The following UNC80 variants were observed in gnomAD, a reference collection of about 807,000 sequenced individuals.
UNC80 encodes unc-80 subunit of NALCN channel complex, also known as protein unc-80 homolog.
In UNC80, 164 loss-of-function variants were observed where a neutral mutation model predicts 384.6. That is an observed-to-expected ratio of 0.43 (90% CI 0.38 to 0.49). The LOEUF (loss-of-function observed/expected upper bound fraction) is 0.49, where lower values mean the gene tolerates loss of function less well. Among genes scored for constraint, UNC80 ranks in the 20% least tolerant of loss-of-function variants. The pLI is 0.00. For synonymous variants in UNC80, 1,486 were observed against 1,527.8 expected, an observed-to-expected ratio of 0.97 and a Z score of 0.64; for missense variants, 3,330 against 4,143.0, an observed-to-expected ratio of 0.80 and a Z score of 5.39.
At chr2:209,805,623 T>A (rs748487752) in intron 7 of UNC80, among the ~76,000 whole-genome samples, 3 of 152,226 alleles carry the variant, frequency 2.0e-5, no homozygotes, top group Non-Finnish European at 2.9e-5. Flanking sequence ...TCCATAGGGC[T>A]GCTCATAACA....
chr2:209,858,158 A>G (rs1395183846), intron 22 of UNC80, among the ~76,000 whole-genome samples: 3 of 152,204 alleles, frequency 2.0e-5, no homozygotes, highest in Non-Finnish European at 4.4e-5. Flanking sequence ...TACAGTGATG[A>G]CATTTTTTGT....
Position 209,888,140 on chromosome 2 carries a change from C to T in UNC80, c.4156C>T (p.His1386Tyr). ...TCGTTTGGATCCCGAGTTGGACCGG[C>T]ACAGATATGAGAGGAAGATCAGCTT... The part of the protein sequence containing the change: ...RLRLDPELDR[H>Y]RYERKISFAG... Residue 1386 changes from histidine (H) to tyrosine (Y), a missense_variant, in exon 26 of 65, where the codon CAC (histidine) becomes TAC (tyrosine). By Grantham distance (83) the His-to-Tyr change is moderately conservative. Coordinates refer to ENST00000673920, the MANE Select transcript of UNC80 (RefSeq NM_001371986.1). 1 of 1,551,628 alleles carries T rather than the reference C, an allele frequency of 6.4e-7. No homozygotes were observed. Among genetic ancestry groups the T allele is most frequent in the South Asian group, 1.2e-5 (1 of 84,060 alleles).
chr2:209,784,716 CAG>C (rs965815589), intron 4 of UNC80, among the ~76,000 whole-genome samples: 6 of 152,222 alleles, frequency 3.9e-5, no homozygotes, highest in Admixed American at 1.3e-4. Flanking sequence ...GCACTACGAA[CAG>C]AGATTTTTGT....
chr2:209,959,877 A>G (rs143403052), intron 51 of UNC80, among the ~76,000 whole-genome samples, 170 bp downstream of exon 51: 1 of 152,360 alleles, frequency 6.6e-6, no homozygotes, highest in East Asian at 1.9e-4. Context: ...TAAAGTGTGC[A>G]TTAAGTCCAT....
chr2:209,870,736 T>A (rs2084224390), intron 22 of UNC80, among the ~76,000 whole-genome samples: 1 of 152,306 alleles, frequency 6.6e-6, no homozygotes, highest in South Asian at 2.1e-4. Flanking sequence ...GAAGAAAGGC[T>A]TAAGGAACTA....
At chr2:209,981,027 A>G (rs1273282536) in intron 59 of UNC80, among the ~76,000 whole-genome samples, 2 of 152,372 alleles carry the variant, frequency 1.3e-5, no homozygotes, top group South Asian at 2.1e-4. Flanking sequence ...GTGATTATAT[A>G]GCAAATTAAA....
rs576098626 is a variant in UNC80, at chr2:209,808,301, G to A, written c.939-5279G>A. ...TTCAAGGCTGGGCGTGGTGGTTCACGCCTGTAATCCTAGCACTTTGGGAAG... is the reference window on the plus strand; with the variant it reads ...TTCAAGGCTGGGCGTGGTGGTTCACACCTGTAATCCTAGCACTTTGGGAAG... On this transcript the variant is annotated intron_variant, in intron 7 of 64. Coordinates refer to ENST00000673920, the MANE Select transcript of UNC80 (RefSeq NM_001371986.1). Among the ~76,000 whole-genome samples, 28 of 152,150 alleles carry A rather than the reference G, an allele frequency of 1.8e-4. No homozygotes were observed. In the South Asian group the frequency reaches 3.1e-3, roughly 17 times the overall value.
chr2:209,834,029 G>C lies in UNC80; in HGVS notation c.2803G>C (p.Val935Leu). 2 of 1,551,628 alleles carry C rather than the reference G, an allele frequency of 1.3e-6. No individual in the cohort carries two copies. The highest frequency in any genetic ancestry group is 1.4e-5 in the African/African-American group (1 of 73,124). Residue 935 changes from valine (V) to leucine (L), a missense_variant, in exon 17 of 65, where the codon GTC (valine) becomes CTC (leucine). Coordinates refer to ENST00000673920, the MANE Select transcript of UNC80 (RefSeq NM_001371986.1). The stretch of plus-strand genomic sequence containing the variant: ...ACTGTATTGTGACATTCGTCAGCTG[G>C]TCCAGTTTATCAAAGAGGCTCATGG... ...LGLYCDIRQLVQFIKEAHGNV... is the reference protein window; with the variant it reads ...LGLYCDIRQLLQFIKEAHGNV...
chr2:209,833,921 CT>C, intron 16 of UNC80, 80 bp from the exon 17 acceptor site: 2 of 1,401,312 alleles, frequency 1.4e-6, no homozygotes, highest in Non-Finnish European at 1.9e-6. Flanking sequence ...TAAGGAATTA[CT>C]TTCTTCCTCT....
intron 47 of UNC80, 116 bp downstream of exon 47, chr2:209,946,059 G>T (rs1042183481): frequency 1.2e-6 from 1 of 808,424 alleles, no homozygotes; most frequent in Non-Finnish European, 1.9e-6. Flanking sequence ...TGACAAGTAA[G>T]CTTTTAGAAA....
rs955402365 is a variant in UNC80, at chr2:209,929,740, A to G, written c.5807-131A>G. 6.5e-6 allele frequency: 4 copies of G among 612,444 alleles called. No homozygotes were observed. The African/African-American group carries it at 7.8e-5, about 12-fold the overall frequency. The allele number at this position is 612,444 out of a possible 1,614,324, so 37.9% of individuals were successfully genotyped here. On this transcript the variant is annotated intron_variant, in intron 36 of 64. Transcript: ENST00000673920. ...CGAAGAGAACAAACACCTACGTTGC[A>G]AAAGAAAAAAGAGTTCACAGAGCCT...
chr2:209,788,162 A>G (rs2077565272), intron 5 of UNC80, among the ~76,000 whole-genome samples: 2 of 152,206 alleles, frequency 1.3e-5, no homozygotes, highest in African/African-American at 4.8e-5. Context: ...CACGCCTGTA[A>G]TCCCAGCATT....
chr2:209,810,788 A>C (rs2079288229), intron 7 of UNC80, among the ~76,000 whole-genome samples: 1 of 152,232 alleles, frequency 6.6e-6, no homozygotes, highest in African/African-American at 2.4e-5. Flanking sequence ...AACTGTCTTA[A>C]CCACAGCAGA....
chr2:209,884,696 A>T (rs1445052698), intron 25 of UNC80, among the ~76,000 whole-genome samples: 1 of 152,226 alleles, frequency 6.6e-6, no homozygotes, highest in Non-Finnish European at 1.5e-5. Flanking sequence ...GTACATATAC[A>T]CCATGGAATA....
At chr2:209,813,464 GAAACAAGT>G in intron 7 of UNC80, 108 bp from the exon 8 acceptor site, 2 of 1,149,390 alleles carry the variant, frequency 1.7e-6, no homozygotes, top group Middle Eastern at 3.0e-4. Context: ...AACTACGTAA[GAAACAAGT>G]AAATGAATAA....
chr2:209,917,933 AG>A lies in UNC80; in HGVS notation c.5188del (p.Glu1730LysfsTer71). On this transcript the variant is annotated frameshift_variant, in exon 32 of 65. Transcript: ENST00000673920. LOFTEE classifies it high-confidence loss of function. ...CGCTATCAGGTCTGGCCCCGGATGG[AG>A]GAAGGGGCACAGCAGATTTTTAAGG... ...RFRYQVWPRM[E>X]EGAQQIFKIP... 1 of 1,551,670 alleles carries A rather than the reference AG, an allele frequency of 6.4e-7. No individual in the cohort carries two copies. Among genetic ancestry groups the A allele is most frequent in the Non-Finnish European group, 8.7e-7 (1 of 1,146,974 alleles).
At chr2:209,906,245 AT>A (rs1170230158) in intron 29 of UNC80, among the ~76,000 whole-genome samples, 1 of 151,966 alleles carries the variant, frequency 6.6e-6, no homozygotes, top group Non-Finnish European at 1.5e-5. Flanking sequence ...TCACAAAGGG[AT>A]TTTTTTAATT....
intron 28 of UNC80, among the ~76,000 whole-genome samples, chr2:209,898,546 G>A (rs1352672650): frequency 6.6e-6 from 1 of 152,020 alleles, no homozygotes; most frequent in African/African-American, 2.4e-5. Context: ...TTTTGATACA[G>A]GCATGTAATA....
At chr2:209,967,404 T>G in intron 51 of UNC80, 33 bp from the exon 52 acceptor site, 19 of 1,387,718 alleles carry the variant, frequency 1.4e-5, no homozygotes, top group Non-Finnish European at 1.8e-5. Flanking sequence ...AAGCTTATAC[T>G]TTAAAATATA....
Sources: allele counts gnomAD v4.1 joint callset (sites outside exome capture counted in the v4.1 genomes callset), GRCh38; gene constraint gnomAD v4.1.1; transcripts MANE v1.5; gene names NCBI Gene and HGNC (gene_info 2026-07-23, HGNC 2026-07-21).